PRSS54: variants seen among roughly 807,000 people sequenced by gnomAD.
PRSS54 encodes the protein serine protease 54, also known as inactive serine protease 54.
PRSS54 carries 16 observed loss-of-function variants against 19.9 expected under a neutral mutation model. The ratio of observed to expected loss-of-function variants is 0.80; its 90% confidence interval spans 0.54 to 1.22. PRSS54 has a LOEUF of 1.22. PRSS54 is among the 50% of genes most tolerant of loss of function. The pLI is 0.00. For missense variants in PRSS54, 444 were observed against 494.8 expected, an observed-to-expected ratio of 0.90 and a Z score of 0.97; for synonymous variants, 177 against 195.8, an observed-to-expected ratio of 0.90 and a Z score of 0.80.
chr16:58,284,874 G>T (rs558044954), intron 5 of PRSS54, among the ~76,000 whole-genome samples, 153 bp from the exon 6 acceptor site: 2 of 151,690 alleles, frequency 1.3e-5, no homozygotes, highest in African/African-American at 4.8e-5. Context: ...GAGTACAGTG[G>T]TGTGATCTTG....
chr16:58,281,044 T>G, intron 6 of PRSS54: 7 of 360,788 alleles, frequency 1.9e-5, no homozygotes, highest in Non-Finnish European at 2.5e-5. Flanking sequence ...TGGCCAAACC[T>G]TCCCTCTCTT....
rs766306142 is a variant in PRSS54 at position 58,280,604 on chromosome 16, T to C, written c.808A>G (p.Arg270Gly). 1.2e-6 allele frequency: 2 copies of C among 1,614,180 alleles called. No individual in the cohort carries two copies. Among genetic ancestry groups the C allele is most frequent in the Non-Finnish European group, 1.7e-6 (2 of 1,180,030 alleles). The change falls in exon 7 of 7, where the codon AGG (arginine) becomes GGG (glycine). Residue 270 changes from arginine (R) to glycine (G), a missense_variant. Physicochemically the swap from Arg to Gly is moderately radical, Grantham distance 125. Coordinates refer to ENST00000567164, the MANE Select transcript of PRSS54 (RefSeq NM_001305173.2). ...AGTGAGGACAGGGGAGGGCCGGCCC[T>C]CTCAGCCTTGGATGTGATCCATTTG... Reference protein sequence around the residue: ...YSKWITSKAERAGPPLSSLHH... With the variant: ...YSKWITSKAEGAGPPLSSLHH...
intron 4 of PRSS54, among the ~76,000 whole-genome samples, chr16:58,290,509 C>G (rs1343655023): frequency 6.6e-6 from 1 of 152,178 alleles, no homozygotes; most frequent in African/African-American, 2.4e-5. Flanking sequence ...TCTGAGCATT[C>G]AGAGATAAGC....
intron 4 of PRSS54, among the ~76,000 whole-genome samples, chr16:58,287,792 G>C (rs1964950694): frequency 6.6e-6 from 1 of 152,150 alleles, no homozygotes; most frequent in Admixed American, 6.5e-5. Flanking sequence ...TGGACATCCA[G>C]ACTAACAAAG....
In PRSS54 at chr16:58,280,266, G is replaced by C. The variant is rs538831170; in HGVS notation, c.1146C>G (p.Ile382Met). ...QNRLYQPEEI[I>M]LVSFVLVFFC... ...AGAAAACAAGCACGAAGGAAACCAA[G>C]ATGATTTCTTCGGGCTGATACAACC... Residue 382 changes from isoleucine to methionine, a missense_variant, in exon 7 of 7, where the codon ATC becomes ATG. Coordinates refer to ENST00000567164, the MANE Select transcript of PRSS54 (RefSeq NM_001305173.2). 2.5e-6 allele frequency: 4 copies of C among 1,613,872 alleles called. No homozygotes were observed. The South Asian group carries it at 4.4e-5, about 18-fold the overall frequency.
intron 6 of PRSS54, chr16:58,283,862 C>G (rs1251134488): frequency 6.6e-6 from 1 of 151,998 alleles, no homozygotes. Context: ...TATTTTTTCC[C>G]CTTGCTCTAA....
Position 58,286,122 on chromosome 16 carries a change from T to G in PRSS54, c.337A>C (p.Asn113His), listed in dbSNP as rs190905654. The G allele has an allele frequency of 1.2e-6, 2 of 1,614,184 alleles. No homozygotes were observed. Among genetic ancestry groups the G allele is most frequent in the Non-Finnish European group, 1.7e-6 (2 of 1,179,988 alleles). Residue 113 changes from asparagine (N) to histidine (H), a missense_variant, in exon 5 of 7, where the codon AAT becomes CAT. By Grantham distance (68) the Asn-to-His change is moderately conservative. Transcript: ENST00000567164. ...SKIAHTEYPV[N>H]TIIIHEDFDN... ...AAGTCCTCATGGATGATGATGGTAT[T>G]GACTGGATACTCTGTGTGAGCAATC...
intron 6 of PRSS54, chr16:58,282,500 C>T (rs1426581022): frequency 6.6e-6 from 1 of 152,372 alleles, no homozygotes; most frequent in Non-Finnish European, 1.5e-5. Flanking sequence ...AGATGAAGAC[C>T]AGTGGGAAAA....
At chr16:58,281,120 C>T in intron 6 of PRSS54, 1 of 225,416 alleles carries the variant, frequency 4.4e-6, no homozygotes, top group Non-Finnish European at 8.9e-6. Flanking sequence ...CACATTTTCC[C>T]TTCTCTGCCT....
chr16:58,280,439 G>A lies in PRSS54; in HGVS notation c.973C>T (p.Leu325=), dbSNP rs771241168. 1 of 1,614,102 alleles carries A rather than the reference G, an allele frequency of 6.2e-7. No individual in the cohort carries two copies. The highest frequency in any genetic ancestry group is 1.7e-5 in the Admixed American group (1 of 60,008). The part of the protein sequence containing the change: ...GQRRTITHSR[L]GNSSRDSLDV... ...AGACTATCTCTAGAGCTGTTTCCTA[G>A]TCGTGAATGCGTGATGGTCCTTCTT... Residue 325 remains leucine (L), a synonymous_variant, in exon 7 of 7, where the codon CTA becomes TTA. Transcript: ENST00000567164.
intron 3 of PRSS54, among the ~76,000 whole-genome samples, chr16:58,291,861 G>C (rs770659603): frequency 3.9e-5 from 6 of 152,314 alleles, no homozygotes; most frequent in Non-Finnish European, 8.8e-5. Flanking sequence ...GAATTTTCCA[G>C]AGGCTCTAGG....
rs1194440341 is a variant in PRSS54, at chr16:58,280,138, C to CA, written c.*85dup. On this transcript the variant is annotated 3_prime_UTR_variant, in exon 7 of 7. Coordinates refer to ENST00000567164, the MANE Select transcript of PRSS54 (RefSeq NM_001305173.2). ...CGTGGCAGCCCCAGTGTGCAACTAT[C>CA]AAAAACAGACATCAAAACAGCATGG... The CA allele has an allele frequency of 2.1e-5, 30 of 1,402,366 alleles. No homozygotes were observed. The Middle Eastern group carries it at 6.0e-4, about 28-fold the overall frequency. 86.9% of individuals were successfully genotyped at this position (1,402,366 alleles called of 1,614,324 possible). A position where few individuals can be genotyped will look rare whatever the true frequency, so the allele number is the denominator to read the frequency against.
In PRSS54 at chr16:58,285,924, G is replaced by C. The variant is rs779682112; in HGVS notation, c.522+13C>G. On this transcript the variant is annotated intron_variant, in intron 5 of 6. Coordinates refer to ENST00000567164, the MANE Select transcript of PRSS54 (RefSeq NM_001305173.2). The stretch of plus-strand genomic sequence containing the variant: ...ACACACGCAGCCTTCTCTGGGAGGA[G>C]GAATGCCTTAACTGCAGATGTGGGA... 4 of 1,613,296 alleles carry C rather than the reference G, an allele frequency of 2.5e-6. No individual in the cohort carries two copies. In the South Asian group the frequency reaches 4.4e-5, roughly 18 times the overall value.
rs1275389194 is a variant in PRSS54 at position 58,286,137 on chromosome 16, T to C, written c.322A>G (p.Thr108Ala). The change falls in exon 5 of 7, where the codon ACA becomes GCA. Residue 108 changes from threonine (T) to alanine (A), a missense_variant. Physicochemically the swap from Thr to Ala is moderately conservative, Grantham distance 58. Transcript: ENST00000567164. ...SNMDPSKIAH[T>A]EYPVNTIIIH... is the part of the protein sequence containing the mutation. The stretch of plus-strand genomic sequence containing the variant: ...ATGATGGTATTGACTGGATACTCTG[T>C]GTGAGCAATCTTGCTAGGATCCATG... The C allele has an allele frequency of 1.5e-5, 24 of 1,614,092 alleles. No homozygotes were observed. The Admixed American group carries it at 2.8e-4, about 19-fold the overall frequency.
chr16:58,290,122 TAATA>T (rs1312147786), intron 4 of PRSS54, among the ~76,000 whole-genome samples: 5 of 144,990 alleles, frequency 3.4e-5, no homozygotes, highest in African/African-American at 1.2e-4. Context: ...ATATTACATA[TAATA>T]AAGTATATAA....
At position 58,280,663 on chromosome 16, in the gene PRSS54, C is replaced by T. The variant is rs770322360; in HGVS notation, c.749G>A (p.Gly250Asp). ...TTCCACCTTGGTGTACAGAAACAGG[C>T]CAGGGCACGTCTCACCACCGAAGTT... ...VLNFGGETCP[G>D]LFLYTKVEDY... The change falls in exon 7 of 7, where the codon GGC becomes GAC. Residue 250 changes from glycine (G) to aspartate (D), a missense_variant. Coordinates refer to ENST00000567164, the MANE Select transcript of PRSS54 (RefSeq NM_001305173.2). 2 of 1,614,046 alleles carry T rather than the reference C, an allele frequency of 1.2e-6. No homozygotes were observed. Among genetic ancestry groups the T allele is most frequent in the Non-Finnish European group, 1.7e-6 (2 of 1,180,010 alleles).
intron 1 of PRSS54, 120 bp downstream of exon 1, chr16:58,294,767 T>C (rs1965110896): frequency 6.6e-6 from 1 of 152,230 alleles, no homozygotes; most frequent in South Asian, 2.1e-4. Flanking sequence ...ACTCGAGTTA[T>C]CGCCATTTTA....
chr16:58,293,845 C>T (rs1359552159), intron 2 of PRSS54, 23 bp from the exon 3 acceptor site: 23 of 1,591,050 alleles, frequency 1.4e-5, no homozygotes, highest in Non-Finnish European at 2.0e-5. Context: ...AACCCAATGA[C>T]TCCATCCTCT....
chr16:58,293,834 A>G lies in PRSS54; in HGVS notation c.-6-12T>C. On this transcript the variant is annotated splice_polypyrimidine_tract_variant and intron_variant, in intron 2 of 6. Coordinates refer to ENST00000567164, the MANE Select transcript of PRSS54 (RefSeq NM_001305173.2). ...GACACCATGGGCAGCTGGGGAAACAAAACCCAATGACTCCATCCTCTTCCC... is the reference window on the plus strand; with the variant it reads ...GACACCATGGGCAGCTGGGGAAACAGAACCCAATGACTCCATCCTCTTCCC... The G allele has an allele frequency of 1.2e-6, 2 of 1,606,308 alleles. No individual in the cohort carries two copies. Among genetic ancestry groups the G allele is most frequent in the African/African-American group, 1.3e-5 (1 of 74,908 alleles).
Sources: allele counts gnomAD v4.1 joint callset (sites outside exome capture counted in the v4.1 genomes callset), GRCh38; gene constraint gnomAD v4.1.1; transcripts MANE v1.5; gene names NCBI Gene and HGNC (gene_info 2026-07-23, HGNC 2026-07-21).